HDAC9: variants seen among roughly 807,000 people sequenced by gnomAD.
The protein encoded by HDAC9 is MEF-2 interacting transcription repressor (MITR) protein.
In HDAC9, 41 loss-of-function variants were observed where a neutral mutation model predicts 139.4. The observed-to-expected ratio is 0.29, with a 90% CI of 0.23 to 0.38. HDAC9 has a LOEUF of 0.38. Ranked by LOEUF, HDAC9 falls within the 10% of genes least tolerant of loss-of-function variation. The pLI is 1.00. For synonymous variants in HDAC9, 517 were observed against 476.2 expected (o/e 1.09, Z -1.12); for missense variants, 1,147 against 1,297.0 (o/e 0.88, Z 1.78).
intron 1 of HDAC9, among the ~76,000 whole-genome samples, chr7:18,101,215 T>C (rs1452096947): frequency 1.3e-5 from 2 of 152,200 alleles, no homozygotes; most frequent in African/African-American, 4.8e-5. Context: ...ATCCAGCTGC[T>C]CTGATCTCCT....
chr7:18,916,179 T>C (rs1160548837), intron 22 of HDAC9, among the ~76,000 whole-genome samples: 1 of 152,000 alleles, frequency 6.6e-6, no homozygotes, highest in Non-Finnish European at 1.5e-5. Flanking sequence ...TTTGAAAGTG[T>C]ACTAGCGTGA....
intron 2 of HDAC9, among the ~76,000 whole-genome samples, chr7:18,189,991 G>A (rs1402456752): frequency 6.6e-6 from 1 of 151,974 alleles, no homozygotes; most frequent in East Asian, 1.9e-4. Context: ...CCAGGCTGGA[G>A]TACAGTGGCA....
chr7:18,996,446 CAT>C lies in HDAC9; in HGVS notation c.*386_*387del, dbSNP rs1474154295. ...GTGAAATTTTGGGCAAAACCTGAGA[CAT>C]AGTCATTCCTGACATTCTGATCAGC... is the stretch of plus-strand genomic sequence containing the variant. On this transcript the variant is annotated 3_prime_UTR_variant, in exon 26 of 26. Transcript: ENST00000686413. The C allele has an allele frequency of 1.2e-5, 2 of 167,302 alleles. No individual in the cohort carries two copies. Among genetic ancestry groups the C allele is most frequent in the Non-Finnish European group, 2.6e-5 (2 of 77,420 alleles). 10.4% of individuals were successfully genotyped at this position (167,302 alleles called of 1,614,324 possible).
chr7:18,195,489 T>G (rs1205233784), intron 2 of HDAC9, among the ~76,000 whole-genome samples: 2 of 152,164 alleles, frequency 1.3e-5, no homozygotes, highest in Non-Finnish European at 2.9e-5. Context: ...TAGGTCAGTT[T>G]ATGCTGCCAG....
intron 21 of HDAC9, among the ~76,000 whole-genome samples, chr7:18,870,831 G>T (rs963613106): frequency 2.0e-5 from 3 of 152,064 alleles, no homozygotes; most frequent in Non-Finnish European, 2.9e-5. Context: ...ACACCACCAT[G>T]TGTGGCTAAT....
At chr7:18,211,309 A>G (rs1211036728) in intron 2 of HDAC9, among the ~76,000 whole-genome samples, 2 of 152,182 alleles carry the variant, frequency 1.3e-5, no homozygotes, top group Non-Finnish European at 2.9e-5. Context: ...AACACAAATT[A>G]GAATATTTAG....
chr7:18,347,669 C>T (rs1328776303), intron 1 of HDAC9, among the ~76,000 whole-genome samples: 2 of 152,090 alleles, frequency 1.3e-5, no homozygotes, highest in Non-Finnish European at 2.9e-5. Flanking sequence ...GCAATCTCGG[C>T]TCACTGTAAC....
chr7:18,795,828 G>A (rs761991716), intron 17 of HDAC9, among the ~76,000 whole-genome samples: 7 of 152,166 alleles, frequency 4.6e-5, no homozygotes, highest in Non-Finnish European at 5.9e-5. Context: ...CAGTGCCTAC[G>A]TGTCCCAGAC....
intron 2 of HDAC9, among the ~76,000 whole-genome samples, chr7:18,219,164 T>C (rs1792514071): frequency 6.6e-6 from 1 of 152,176 alleles, no homozygotes. Flanking sequence ...GGAATTATTT[T>C]AAGAGTCTTA....
At chr7:18,653,035 G>T (rs1400656313) in intron 11 of HDAC9, among the ~76,000 whole-genome samples, 1 of 151,986 alleles carries the variant, frequency 6.6e-6, no homozygotes, top group African/African-American at 2.4e-5. Context: ...TGGGGAGTTC[G>T]AGACCAGCCT....
At chr7:18,933,137 T>C (rs1804928167) in intron 22 of HDAC9, among the ~76,000 whole-genome samples, 1 of 152,150 alleles carries the variant, frequency 6.6e-6, no homozygotes, top group African/African-American at 2.4e-5. Context: ...TACGATAGAC[T>C]GATAGCTTAT....
chr7:18,648,484 C>T lies in HDAC9; in HGVS notation c.1268C>T (p.Pro423Leu). ...TTTTCAGGTGGAGTTCCCTTACATC[C>T]TCAGTCTCCCTTGGCAACAAAAGAG... The part of the protein sequence containing the change: ...LLVAGGVPLH[P>L]QSPLATKERI... Residue 423 changes from proline (P) to leucine (L), a missense_variant, in exon 11 of 26, where the codon CCT becomes CTT. Physicochemically the swap from Pro to Leu is moderately conservative, Grantham distance 98 (BLOSUM62 -3). Transcript: ENST00000686413. 2 of 1,613,036 alleles carry T rather than the reference C, an allele frequency of 1.2e-6. No homozygotes were observed. Among genetic ancestry groups the T allele is most frequent in the East Asian group, 2.2e-5 (1 of 44,784 alleles).
intron 1 of HDAC9, among the ~76,000 whole-genome samples, chr7:18,474,405 T>C (rs1372201407): frequency 2.0e-5 from 3 of 152,228 alleles, no homozygotes; most frequent in Non-Finnish European, 4.4e-5. Flanking sequence ...TTTTTCCTGC[T>C]CGACTCTAGC....
chr7:18,861,973 TA>T (rs1327628750), intron 21 of HDAC9, among the ~76,000 whole-genome samples: 3 of 152,214 alleles, frequency 2.0e-5, no homozygotes, highest in African/African-American at 7.2e-5. Flanking sequence ...CAGAGTACTA[TA>T]ATTAGGATTA....
chr7:18,470,371 T>G (rs757514979), intron 1 of HDAC9, among the ~76,000 whole-genome samples: 21 of 152,174 alleles, frequency 1.4e-4, no homozygotes, highest in Non-Finnish European at 2.1e-4. Flanking sequence ...CTATAATCTC[T>G]AATTTGTAAC....
chr7:18,372,992 C>A (rs1007698789), intron 1 of HDAC9, among the ~76,000 whole-genome samples: 1 of 151,968 alleles, frequency 6.6e-6, no homozygotes, highest in Non-Finnish European at 1.5e-5. Context: ...AGTTTTTTAG[C>A]CTCATTTTGT....
intron 13 of HDAC9, among the ~76,000 whole-genome samples, chr7:18,732,910 T>C (rs1408705603): frequency 8.0e-6 from 1 of 124,422 alleles, no homozygotes; most frequent in African/African-American, 3.4e-5. Context: ...CACGTGTGCG[T>C]ATGTGTATAC....
chr7:18,166,732 G>A (rs920129777), intron 2 of HDAC9, among the ~76,000 whole-genome samples: 6 of 152,044 alleles, frequency 3.9e-5, no homozygotes, highest in African/African-American at 1.4e-4. Context: ...TAAAATTTAC[G>A]AACTCTTTAA....
chr7:18,577,805 A>G (rs1451513357), intron 2 of HDAC9, among the ~76,000 whole-genome samples: 1 of 152,168 alleles, frequency 6.6e-6, no homozygotes, highest in Non-Finnish European at 1.5e-5. Context: ...GTAGCAAGAG[A>G]TAAGTCTAGA....
Sources: gnomAD v4.1 joint callset for allele counts (sites outside exome capture counted in the v4.1 genomes callset) on GRCh38, gnomAD v4.1.1 for gene constraint, MANE v1.5 for transcripts, NCBI Gene and HGNC (gene_info 2026-07-23, HGNC 2026-07-21) for gene names.